MALAT1: variants seen among roughly 807,000 people sequenced by gnomAD.
The protein encoded by MALAT1 is metastasis associated lung adenocarcinoma transcript 1.
chr11:65,499,254 G>C (rs374676811), exon 3 of MALAT1: 1 of 512,670 alleles, frequency 2.0e-6, no homozygotes, highest in African/African-American at 1.9e-5. Flanking sequence ...TGAAGACTTA[G>C]AAGAGTAGCA....
At chr11:65,505,749 TA>T in intron 3 of MALAT1, 1 of 519,010 alleles carries the variant, frequency 1.9e-6, no homozygotes, top group African/African-American at 1.9e-5. Context: ...AGAAGGGTAT[TA>T]AAACCACAGC....
exon 3 of MALAT1, chr11:65,503,075 T>G (rs758512610): frequency 2.0e-6 from 1 of 510,988 alleles, no homozygotes; most frequent in South Asian, 1.4e-5. Context: ...ATCAAGTGGA[T>G]TGAGGAGGCT....
chr11:65,500,715 C>G (rs1412505484), exon 3 of MALAT1: 1 of 518,926 alleles, frequency 1.9e-6, no homozygotes, highest in Non-Finnish European at 3.8e-6. Flanking sequence ...GTAGAGGATC[C>G]TAGACCAGCA....
chr11:65,497,896 A>G (rs1186931628), intron 1 of MALAT1: 5 of 518,572 alleles, frequency 9.6e-6, no homozygotes, highest in Non-Finnish European at 1.5e-5. Context: ...CCGGGAGCCC[A>G]GGTTTCCCAG....
exon 3 of MALAT1, chr11:65,501,391 T>C (rs781308137): frequency 1.9e-6 from 1 of 518,382 alleles, no homozygotes; most frequent in Admixed American, 1.9e-5. Context: ...CTAGAGCAGT[T>C]CTCACGTTGA....
At chr11:65,503,265 AAT>A (rs1220230382) in exon 3 of MALAT1, 4 of 517,156 alleles carry the variant, frequency 7.7e-6, no homozygotes, top group Non-Finnish European at 1.2e-5. Flanking sequence ...GGAGTTCTTA[AAT>A]ATCAACCATG....
intron 3 of MALAT1, chr11:65,504,740 A>G (rs1590706621): frequency 1.9e-6 from 1 of 518,952 alleles, no homozygotes; most frequent in African/African-American, 1.9e-5. Flanking sequence ...GGAAATGTTT[A>G]AACAGTTCAG....
At chr11:65,498,448 G>C in intron 1 of MALAT1, 1 of 518,618 alleles carries the variant, frequency 1.9e-6, no homozygotes, top group South Asian at 1.4e-5. Context: ...CGTTTTCCAA[G>C]AGTGGGTTTT....
chr11:65,499,104 A>G (rs11540778), exon 3 of MALAT1: 4 of 518,054 alleles, frequency 7.7e-6, no homozygotes, highest in African/African-American at 1.9e-5. Context: ...GCTTGAGGAA[A>G]CCGCAGATAA....
chr11:65,500,510 C>A (rs1483078937), exon 3 of MALAT1: 6 of 518,728 alleles, frequency 1.2e-5, no homozygotes, highest in Non-Finnish European at 1.9e-5. Context: ...AGCAGCAGTT[C>A]GTGGTGAAGA....
chr11:65,503,193 T>G, exon 3 of MALAT1: 1 of 512,784 alleles, frequency 2.0e-6, no homozygotes. Flanking sequence ...TGTTAACAGA[T>G]AAGTTTAACT....
chr11:65,503,745 C>T (rs780243397), exon 3 of MALAT1: 1 of 517,186 alleles, frequency 1.9e-6, no homozygotes. Flanking sequence ...TGTCTGCGAA[C>T]ACTCTTTAAT....
chr11:65,506,159 AATCCCTGCGGCGTCTTTGCTTTG>A, intron 3 of MALAT1: 1 of 417,300 alleles, frequency 2.4e-6, no homozygotes, highest in Non-Finnish European at 4.6e-6. Flanking sequence ...ACGGGGTTCA[AATCCCTGCGGCGTCTTTGCTTTG>A]ACTACTAATC....
At chr11:65,506,150 C>T (rs757497822) in intron 3 of MALAT1, 2 of 409,054 alleles carry the variant, frequency 4.9e-6, no homozygotes, top group East Asian at 6.6e-5. Flanking sequence ...GTTTCCAGGA[C>T]GGGGTTCAAA....
chr11:65,505,220 T>G, intron 3 of MALAT1: 1 of 518,528 alleles, frequency 1.9e-6, no homozygotes. Flanking sequence ...AGGCTTAAAG[T>G]AGGACAACCA....
At chr11:65,504,015 T>A (rs1456999500) in intron 3 of MALAT1, 3 of 517,952 alleles carry the variant, frequency 5.8e-6, no homozygotes, top group Non-Finnish European at 1.2e-5. Context: ...TTTCCAAAGT[T>A]TGCATGTTAA....
exon 3 of MALAT1, chr11:65,502,872 C>T (rs768826550): frequency 4.1e-6 from 2 of 493,724 alleles, no homozygotes; most frequent in East Asian, 5.6e-5. Flanking sequence ...ACGGAATCTA[C>T]CATTTTAAAG....
At chr11:65,503,311 C>T (rs2134988514) in exon 3 of MALAT1, 2 of 518,350 alleles carry the variant, frequency 3.9e-6, no homozygotes, top group East Asian at 5.4e-5. Context: ...TAGGGGATTT[C>T]AGGATTGAGA....
At chr11:65,499,309 G>T in exon 3 of MALAT1, 1 of 510,496 alleles carries the variant, frequency 2.0e-6, no homozygotes, top group Non-Finnish European at 3.9e-6. Flanking sequence ...GACGGAGGTT[G>T]AGATGAAGCT....
Sources: gnomAD v4.1 joint callset for allele counts on GRCh38, gnomAD v4.1.1 for gene constraint, MANE v1.5 for transcripts, NCBI Gene and HGNC (gene_info 2026-07-23, HGNC 2026-07-21) for gene names.